Variants in ABCA13 observed in about 807,000 individuals in gnomAD.
ABCA13 encodes ATP-binding cassette sub-family A member 13.
ABCA13 carries 476 observed loss-of-function variants against 478.7 expected under a neutral mutation model. That is an observed-to-expected ratio of 0.99 (90% CI 0.92 to 1.07). The LOEUF (loss-of-function observed/expected upper bound fraction) is 1.07. ABCA13 is among the 50% of genes least tolerant of loss of function. ABCA13 has a pLI of 0.00. For missense variants in ABCA13, 6,060 were observed against 5,910.6 expected (o/e 1.03, Z -0.83); for synonymous variants, 2,252 against 2,158.9 (o/e 1.04, Z -1.20).
intron 27 of ABCA13, among the ~76,000 whole-genome samples, chr7:48,319,703 T>C (rs1332503802): frequency 2.6e-5 from 4 of 152,362 alleles, no homozygotes; most frequent in African/African-American, 9.6e-5. Flanking sequence ...AGAAGCATGA[T>C]GCTGTGGTAA....
intron 28 of ABCA13, among the ~76,000 whole-genome samples, chr7:48,338,103 T>G (rs778430806): frequency 2.0e-5 from 3 of 152,214 alleles, no homozygotes; most frequent in Non-Finnish European, 2.9e-5. Context: ...ACAAACCACT[T>G]AATTCATTCT....
chr7:48,212,350 T>C (rs1562790199), intron 3 of ABCA13, among the ~76,000 whole-genome samples: 1 of 152,240 alleles, frequency 6.6e-6, no homozygotes, highest in Non-Finnish European at 1.5e-5. Context: ...AAGACTGTCC[T>C]TTCTATCTTC....
At chr7:48,410,334 G>A (rs1049159546) in intron 39 of ABCA13, among the ~76,000 whole-genome samples, 186 bp from the exon 40 acceptor site, 19 of 152,154 alleles carry the variant, frequency 1.2e-4, no homozygotes, top group African/African-American at 4.1e-4. Flanking sequence ...GGAAACTACT[G>A]TAGAGGAAAG....
At chr7:48,328,043 C>G (rs568865392) in intron 27 of ABCA13, among the ~76,000 whole-genome samples, 1 of 152,160 alleles carries the variant, frequency 6.6e-6, no homozygotes, top group Non-Finnish European at 1.5e-5. Flanking sequence ...TGTCATTAAA[C>G]GGACACAAAG....
intron 49 of ABCA13, 78 bp downstream of exon 49, chr7:48,506,468 G>T: frequency 2.0e-6 from 3 of 1,531,110 alleles, no homozygotes; most frequent in Non-Finnish European, 1.8e-6. Flanking sequence ...GATGACTTTG[G>T]TCTCTCTTTT....
At chr7:48,305,898 G>A (rs1181004740) in intron 23 of ABCA13, among the ~76,000 whole-genome samples, 5 of 152,138 alleles carry the variant, frequency 3.3e-5, no homozygotes, top group African/African-American at 1.2e-4. Flanking sequence ...AAATCAGCAG[G>A]AACTTGGCAT....
chr7:48,202,153 C>T (rs1342528363), intron 3 of ABCA13, among the ~76,000 whole-genome samples: 2 of 151,990 alleles, frequency 1.3e-5, no homozygotes, highest in Non-Finnish European at 2.9e-5. Context: ...ACAAAGCTTC[C>T]ACACAGTGGA....
intron 1 of ABCA13, among the ~76,000 whole-genome samples, chr7:48,184,475 T>G (rs1796101913): frequency 6.6e-6 from 1 of 152,164 alleles, no homozygotes; most frequent in Non-Finnish European, 1.5e-5. Context: ...ATTTAAGCAT[T>G]AAAAAGAAAA....
intron 15 of ABCA13, among the ~76,000 whole-genome samples, chr7:48,261,927 T>C (rs1794241414): frequency 6.6e-6 from 1 of 151,932 alleles, no homozygotes; most frequent in Non-Finnish European, 1.5e-5. Flanking sequence ...CACTCTAGGA[T>C]AATCGGGCAG....
chr7:48,434,622 C>T (rs1303870286), intron 42 of ABCA13, among the ~76,000 whole-genome samples: 2 of 151,884 alleles, frequency 1.3e-5, no homozygotes, highest in East Asian at 3.9e-4. Flanking sequence ...GTGTTTTCTT[C>T]CAAGAAGTTT....
chr7:48,339,028 C>T (rs1325566380), intron 29 of ABCA13, among the ~76,000 whole-genome samples: 1 of 152,168 alleles, frequency 6.6e-6, no homozygotes, highest in East Asian at 1.9e-4. Context: ...GAAACTGCAA[C>T]ACTGTGGCAA....
chr7:48,512,656 A>G (rs905441023), intron 51 of ABCA13, among the ~76,000 whole-genome samples: 1 of 152,244 alleles, frequency 6.6e-6, no homozygotes, highest in African/African-American at 2.4e-5. Context: ...GTTAAAACTT[A>G]GATGAAATGG....
chr7:48,578,867 C>A (rs1788437144), intron 55 of ABCA13, among the ~76,000 whole-genome samples: 1 of 152,156 alleles, frequency 6.6e-6, no homozygotes, highest in Non-Finnish European at 1.5e-5. Context: ...GACAAAAGAA[C>A]AAAGGCAACC....
intron 41 of ABCA13, among the ~76,000 whole-genome samples, chr7:48,420,126 G>A (rs1170850629): frequency 6.6e-6 from 1 of 152,146 alleles, no homozygotes; most frequent in Non-Finnish European, 1.5e-5. Flanking sequence ...TCTGCATTTT[G>A]CCTGATGACT....
At chr7:48,233,414 C>G (rs1036261019) in intron 7 of ABCA13, among the ~76,000 whole-genome samples, 1 of 151,928 alleles carries the variant, frequency 6.6e-6, no homozygotes, top group African/African-American at 2.4e-5. Flanking sequence ...CCTTGGGGGT[C>G]TTCGATTTAT....
In ABCA13 at chr7:48,281,556, A is replaced by C. The variant is rs1584609607; in HGVS notation, c.8836+104A>C. On this transcript the variant is annotated intron_variant, in intron 19 of 61. Transcript: ENST00000435803. ...ATTGCACTTGAGTTTCTTTTAGAAC[A>C]AAGCACAGCTGTCTTAGTCTGGCAA... is the stretch of plus-strand genomic sequence containing the variant. 4 of 1,025,258 alleles carry C rather than the reference A, an allele frequency of 3.9e-6. No individual in the cohort carries two copies. The East Asian group carries it at 1.0e-4, about 27-fold the overall frequency. The allele number at this position is 1,025,258 out of a possible 1,614,324, so 63.5% of individuals were successfully genotyped here. A position where few individuals can be genotyped will look rare whatever the true frequency, so the allele number is the denominator to read the frequency against.
intron 55 of ABCA13, among the ~76,000 whole-genome samples, chr7:48,548,147 A>G (rs1358822753): frequency 6.6e-6 from 1 of 151,982 alleles, no homozygotes; most frequent in Non-Finnish European, 1.5e-5. Flanking sequence ...GCTCATACAC[A>G]GCGAGTATTT....
intron 59 of ABCA13, among the ~76,000 whole-genome samples, chr7:48,631,067 T>A (rs1794123594): frequency 6.6e-6 from 1 of 152,040 alleles, no homozygotes; most frequent in African/African-American, 2.4e-5. Context: ...GTTGGGTGCA[T>A]AGTTTGGAAA....
chr7:48,418,230 A>G (rs1450245939), intron 41 of ABCA13, among the ~76,000 whole-genome samples: 1 of 152,216 alleles, frequency 6.6e-6, no homozygotes, highest in Non-Finnish European at 1.5e-5. Flanking sequence ...TCTTACAGTA[A>G]GAGTGTCTTT....
Sources: gnomAD v4.1 joint callset for allele counts (sites outside exome capture counted in the v4.1 genomes callset) on GRCh38, gnomAD v4.1.1 for gene constraint, MANE v1.5 for transcripts, NCBI Gene and HGNC (gene_info 2026-07-23, HGNC 2026-07-21) for gene names.